The following STYK1 variants were observed in gnomAD, a reference collection of about 807,000 sequenced individuals.
STYK1 encodes the protein tyrosine-protein kinase STYK1.
In STYK1, 46 loss-of-function variants were observed where a neutral mutation model predicts 48.1. The ratio of observed to expected loss-of-function variants is 0.96; its 90% CI spans 0.75 to 1.22. The LOEUF is 1.22. Among genes scored for constraint, STYK1 ranks in the 50% most tolerant of loss-of-function variants. The probability of loss-of-function intolerance (pLI) is 0.00; values close to 1 mark genes in which losing one functional copy is unlikely to be tolerated. For missense variants in STYK1, 527 were observed against 521.1 expected, an observed-to-expected ratio of 1.01 and a Z score of -0.11; for synonymous variants, 188 against 189.0, an observed-to-expected ratio of 0.99 and a Z score of 0.04.
intron 1 of STYK1, among the ~76,000 whole-genome samples, chr12:10,663,905 T>A (rs1431170586): frequency 6.6e-6 from 1 of 152,208 alleles, no homozygotes; most frequent in African/African-American, 2.4e-5. Flanking sequence ...ACTTGGGATG[T>A]TTTGTAGTTT....
chr12:10,660,102 T>C (rs944169801), intron 1 of STYK1, among the ~76,000 whole-genome samples: 6 of 152,212 alleles, frequency 3.9e-5, no homozygotes, highest in Non-Finnish European at 8.8e-5. Context: ...GTTCTAACAG[T>C]TGCCCACTTC....
chr12:10,653,174 G>A lies in STYK1; in HGVS notation c.-194-15978C>T, dbSNP rs565255694. Among the ~76,000 whole-genome samples the A allele has an allele frequency of 3.3e-5, 5 of 152,018 alleles. No homozygotes were observed. The East Asian group carries it at 5.8e-4, about 18-fold the overall frequency. On this transcript the variant is annotated intron_variant, in intron 1 of 10. Coordinates refer to ENST00000075503, the MANE Select transcript of STYK1 (RefSeq NM_018423.3). ...TGCAAGCTCCGCCTCCTGGGTTCAC[G>A]CAATTCTCCTGCCTCAGCCTCCCGA...
intron 2 of STYK1, among the ~76,000 whole-genome samples, chr12:10,636,854 C>A (rs920094703): frequency 2.0e-5 from 3 of 152,144 alleles, no homozygotes; most frequent in Non-Finnish European, 2.9e-5. Flanking sequence ...GACTCATGAG[C>A]TCGGCCCAGA....
At chr12:10,650,041 G>A (rs1947644413) in intron 1 of STYK1, among the ~76,000 whole-genome samples, 1 of 144,742 alleles carries the variant, frequency 6.9e-6, no homozygotes, top group East Asian at 2.1e-4. Flanking sequence ...ATCAACCCAA[G>A]GCGGAGCTTG....
intron 1 of STYK1, among the ~76,000 whole-genome samples, chr12:10,660,944 G>A (rs1260666688): frequency 6.6e-6 from 1 of 151,976 alleles, no homozygotes; most frequent in African/African-American, 2.4e-5. Flanking sequence ...ACTCAGTCAA[G>A]TAACCCACAC....
chr12:10,644,583 A>G (rs1284481571), intron 1 of STYK1, among the ~76,000 whole-genome samples: 1 of 152,232 alleles, frequency 6.6e-6, no homozygotes, highest in Non-Finnish European at 1.5e-5. Context: ...TAATAAATAC[A>G]TACGAGAATA....
chr12:10,672,857 G>A lies in STYK1; in HGVS notation c.-195+1109C>T, dbSNP rs1319620584. On this transcript the variant is annotated intron_variant, in intron 1 of 10. Transcript: ENST00000075503. The surrounding 1 kb of genome is among the most constrained non-coding windows in gnomAD (Gnocchi z 4.0). ...AGCAAATACTTCATGATGTCTCATT[G>A]AAAGACCTAGCTGCCCCCTAGCTAG... Among the ~76,000 whole-genome samples the A allele has an allele frequency of 6.6e-6, 1 of 152,174 alleles. No individual in the cohort carries two copies. The highest frequency in any genetic ancestry group is 1.5e-5 in the Non-Finnish European group (1 of 68,030).
At chr12:10,662,986 C>A (rs1565574428) in intron 1 of STYK1, among the ~76,000 whole-genome samples, 1 of 152,196 alleles carries the variant, frequency 6.6e-6, no homozygotes, top group Non-Finnish European at 1.5e-5. Flanking sequence ...ATATTCAGGA[C>A]TTTGGTTCAT....
At chr12:10,665,572 G>A (rs561359104) in intron 1 of STYK1, among the ~76,000 whole-genome samples, 2 of 152,086 alleles carry the variant, frequency 1.3e-5, no homozygotes, top group Admixed American at 1.3e-4. Flanking sequence ...GAGTTTTGTA[G>A]GGATGAGAAC....
intron 1 of STYK1, among the ~76,000 whole-genome samples, chr12:10,639,693 C>T (rs939522034): frequency 2.0e-5 from 3 of 152,076 alleles, no homozygotes; most frequent in South Asian, 2.1e-4. Context: ...GGATTACAGG[C>T]GTGAGCCACT....
At chr12:10,648,620 T>C (rs1947626312) in intron 1 of STYK1, among the ~76,000 whole-genome samples, 1 of 152,102 alleles carries the variant, frequency 6.6e-6, no homozygotes, top group African/African-American at 2.4e-5. Flanking sequence ...ATTATTTATT[T>C]ATTTATTTAT....
At chr12:10,649,287 T>C (rs1195089973) in intron 1 of STYK1, among the ~76,000 whole-genome samples, 1 of 143,476 alleles carries the variant, frequency 7.0e-6, no homozygotes. Context: ...TTTGTACATA[T>C]TTGAAATTTT....
chr12:10,670,315 A>G (rs10772348), intron 1 of STYK1, among the ~76,000 whole-genome samples: 55,085 of 151,826 alleles, frequency 0.36, 10,157 homozygotes, highest in East Asian at 0.51. Context: ...AATATCCAAG[A>G]GATGGAATCA....
intron 2 of STYK1, among the ~76,000 whole-genome samples, chr12:10,636,851 G>A (rs1947491226): frequency 6.6e-6 from 1 of 152,136 alleles, no homozygotes. Context: ...TCAGACTCAT[G>A]AGCTCGGCCC....
chr12:10,638,859 T>A (rs752479485), intron 1 of STYK1, among the ~76,000 whole-genome samples: 9 of 152,254 alleles, frequency 5.9e-5, no homozygotes, highest in Non-Finnish European at 1.0e-4. Context: ...CAGTTAAATC[T>A]GTTGTGCCAG....
intron 1 of STYK1, among the ~76,000 whole-genome samples, chr12:10,667,745 C>T (rs1039738088): frequency 3.3e-5 from 5 of 152,158 alleles, no homozygotes; most frequent in African/African-American, 1.2e-4. Context: ...CAGGGAAGCA[C>T]ATAATGCTCA....
At chr12:10,629,991 T>A (rs1441737618) in intron 5 of STYK1, among the ~76,000 whole-genome samples, 1 of 151,428 alleles carries the variant, frequency 6.6e-6, no homozygotes, top group Non-Finnish European at 1.5e-5. Flanking sequence ...TGTCTTATCC[T>A]TGTTCTATGT....
At chr12:10,670,517 A>C (rs1362710973) in intron 1 of STYK1, among the ~76,000 whole-genome samples, 1 of 152,150 alleles carries the variant, frequency 6.6e-6, no homozygotes, top group Non-Finnish European at 1.5e-5. Context: ...GTAGAATCTG[A>C]AAAAGTTGAA....
intron 9 of STYK1, among the ~76,000 whole-genome samples, 154 bp from the exon 10 acceptor site, chr12:10,622,126 T>G (rs1014704639): frequency 2.0e-5 from 3 of 152,100 alleles, no homozygotes; most frequent in Non-Finnish European, 4.4e-5. Context: ...TGATCAAATA[T>G]GGATATAATT....
Sources: allele counts gnomAD v4.1 joint callset (sites outside exome capture counted in the v4.1 genomes callset), GRCh38; gene constraint gnomAD v4.1.1; non-coding constraint Gnocchi (gnomAD v3.1); transcripts MANE v1.5; gene names NCBI Gene and HGNC (gene_info 2026-07-23, HGNC 2026-07-21).